ESR1: variants seen among roughly 807,000 people sequenced by gnomAD.
The protein encoded by ESR1 is estrogen receptor 1.
In ESR1, 12 loss-of-function variants were observed where a neutral mutation model predicts 52.7. That is an observed-to-expected ratio of 0.23 (90% CI 0.15 to 0.37). ESR1 has a LOEUF of 0.37. ESR1 is among the 10% of genes least tolerant of loss of function. The pLI is 1.00. For missense variants in ESR1, 584 were observed against 779.7 expected (o/e 0.75, Z 2.99); for synonymous variants, 305 against 316.8 (o/e 0.96, Z 0.39).
chr6:151,798,912 T>A (rs1167025591), intron 2 of ESR1, among the ~76,000 whole-genome samples: 1 of 152,258 alleles, frequency 6.6e-6, no homozygotes, highest in Non-Finnish European at 1.5e-5. Context: ...CATTTCTTCA[T>A]GTTCAAAAAA....
In ESR1 at chr6:151,911,965, G is replaced by A. The variant is rs952122125; in HGVS notation, c.760+31194G>A. Among the ~76,000 whole-genome samples, 4 of 152,194 alleles carry A rather than the reference G, an allele frequency of 2.6e-5. No homozygotes were observed. The East Asian group carries it at 5.8e-4, about 22-fold the overall frequency. ...CGGTAGGTAGCCACTAGCCACATGT[G>A]GCCATTTAGATGTAAATGAATTTAA... On this transcript the variant is annotated intron_variant, in intron 3 of 7. Coordinates refer to ENST00000206249, the MANE Select transcript of ESR1 (RefSeq NM_000125.4).
intron 1 of ESR1, among the ~76,000 whole-genome samples, chr6:151,678,722 C>T (rs1023778103): frequency 2.0e-5 from 3 of 151,146 alleles, no homozygotes; most frequent in Non-Finnish European, 4.4e-5. Context: ...AGTCTTACTC[C>T]GTTGCCTGGG....
intron 5 of ESR1, among the ~76,000 whole-genome samples, chr6:152,041,611 A>G (rs1437277853): frequency 6.6e-6 from 1 of 152,238 alleles, no homozygotes; most frequent in African/African-American, 2.4e-5. Context: ...TGTCTCACCA[A>G]TAAATCCAGT....
At chr6:151,930,943 T>G (rs2033507187) in intron 3 of ESR1, among the ~76,000 whole-genome samples, 1 of 152,180 alleles carries the variant, frequency 6.6e-6, no homozygotes, top group Admixed American at 6.5e-5. Flanking sequence ...TGGCTCTGGC[T>G]TTTTCAAGAT....
intron 2 of ESR1, among the ~76,000 whole-genome samples, chr6:151,766,547 AATCT>A (rs1316961357): frequency 6.6e-6 from 1 of 152,102 alleles, no homozygotes; most frequent in Non-Finnish European, 1.5e-5. Flanking sequence ...TTTTTCACTC[AATCT>A]GTTTTCCAAA....
At chr6:152,069,661 G>T (rs1404580233) in intron 6 of ESR1, among the ~76,000 whole-genome samples, 1 of 136,350 alleles carries the variant, frequency 7.3e-6, no homozygotes, top group African/African-American at 3.3e-5. Context: ...TTCTCATGAG[G>T]GGCACACAGC....
intron 2 of ESR1, among the ~76,000 whole-genome samples, chr6:151,798,995 C>T (rs1020094377): frequency 5.3e-5 from 8 of 152,152 alleles, no homozygotes; most frequent in Admixed American, 5.2e-4. Flanking sequence ...ATTTCTTTAT[C>T]AGTGATTTGG....
At chr6:151,844,043 A>C (rs1457992805) in intron 2 of ESR1, among the ~76,000 whole-genome samples, 1 of 151,502 alleles carries the variant, frequency 6.6e-6, no homozygotes, top group Non-Finnish European at 1.5e-5. Flanking sequence ...AGACACATGG[A>C]CTTTTTTGTT....
chr6:152,007,559 C>T lies in ESR1; in HGVS notation c.1097-4097C>T, dbSNP rs116929796. Among the ~76,000 whole-genome samples, 1,096 of 152,180 alleles carry T rather than the reference C, an allele frequency of 7.2e-3. 6 individuals are homozygous for T. The highest frequency in any genetic ancestry group is 0.011 in the Non-Finnish European group (749 of 67,992). ...ATCTCTGGATTCACTATTACTGGGA[C>T]TTGTGAATATAGACTAGGGATTAAA... On this transcript the variant is annotated intron_variant, in intron 4 of 7. Transcript: ENST00000206249.
chr6:151,683,631 T>C (rs1364852887), intron 1 of ESR1, among the ~76,000 whole-genome samples: 1 of 152,130 alleles, frequency 6.6e-6, no homozygotes, highest in East Asian at 1.9e-4. Context: ...TGGCCACTTA[T>C]CTAAGAGTGT....
chr6:151,911,450 T>A (rs1798241133), intron 3 of ESR1, among the ~76,000 whole-genome samples: 1 of 152,224 alleles, frequency 6.6e-6, no homozygotes, highest in Non-Finnish European at 1.5e-5. Flanking sequence ...ATAATTCTGT[T>A]TTATTCTCAA....
chr6:151,773,291 A>G (rs1785667438), intron 2 of ESR1, among the ~76,000 whole-genome samples: 1 of 152,160 alleles, frequency 6.6e-6, no homozygotes, highest in African/African-American at 2.4e-5. Flanking sequence ...CATGCAACAG[A>G]TTTTCTATCA....
intron 3 of ESR1, among the ~76,000 whole-genome samples, chr6:151,881,847 C>A (rs567926753): frequency 6.6e-6 from 1 of 151,694 alleles, no homozygotes; most frequent in East Asian, 1.9e-4. Flanking sequence ...GGCGCCACTG[C>A]ACTCCAGCCT....
At position 152,011,677 on chromosome 6, in the gene ESR1, A is replaced by G. The variant is rs1264830417; in HGVS notation, c.1118A>G (p.His373Arg). The change falls in exon 5 of 8, where the codon CAT (histidine) becomes CGT (arginine). Residue 373 changes from histidine (H) to arginine (R), a missense_variant. By Grantham distance (29) the His-to-Arg change is conservative. Around this residue, in one of 6 missense-constraint regions of ESR1, gnomAD observed 141 missense variants for 289.3 expected, o/e 0.49. Coordinates refer to ENST00000206249, the MANE Select transcript of ESR1 (RefSeq NM_000125.4). ...TCAGGCTTTGTGGATTTGACCCTCC[A>G]TGATCAGGTCCACCTTCTAGAATGT... ...RVPGFVDLTL[H>R]DQVHLLECAW... 6.2e-7 allele frequency: 1 copy of G among 1,613,198 alleles called. No individual in the cohort carries two copies. Among genetic ancestry groups the G allele is most frequent in the Admixed American group, 1.7e-5 (1 of 59,922 alleles).
intron 5 of ESR1, among the ~76,000 whole-genome samples, chr6:152,013,779 A>T (rs1374042495): frequency 3.3e-5 from 5 of 152,130 alleles, no homozygotes; most frequent in Admixed American, 2.0e-4. Flanking sequence ...ATCTCTATTC[A>T]TTCCTACTTT....
rs565282887 is a variant in ESR1, at chr6:151,838,781, A to G, written c.453-3816A>G. On this transcript the variant is annotated intron_variant, in intron 1 of 7. Transcript: ENST00000206249. ...CCTTTATGGTTAGTGAATATAGCCC[A>G]TGTAGTTTCCCCGTCTTCTTTAGAT... Among the ~76,000 whole-genome samples, 8 of 152,282 alleles carry G rather than the reference A, an allele frequency of 5.3e-5. No homozygotes were observed. In the South Asian group the frequency reaches 1.7e-3, roughly 32 times the overall value.
chr6:151,946,549 G>A (rs2035724715), intron 4 of ESR1, among the ~76,000 whole-genome samples: 1 of 152,098 alleles, frequency 6.6e-6, no homozygotes, highest in Non-Finnish European at 1.5e-5. Flanking sequence ...CAAAATTATG[G>A]CAATGAGATG....
At chr6:151,683,738 G>A (rs150732579) in intron 1 of ESR1, among the ~76,000 whole-genome samples, 42 of 150,640 alleles carry the variant, frequency 2.8e-4, no homozygotes, top group African/African-American at 7.1e-4. Context: ...TCACTCTGTC[G>A]CCCAGGCTAG....
intron 5 of ESR1, among the ~76,000 whole-genome samples, chr6:152,013,308 T>C (rs1296823493): frequency 2.1e-4 from 32 of 152,148 alleles, no homozygotes; most frequent in Non-Finnish European, 1.3e-4. Context: ...CCAAGTGATA[T>C]CAAGTTTGCA....
Sources: gnomAD v4.1 joint callset for allele counts (sites outside exome capture counted in the v4.1 genomes callset) on GRCh38, gnomAD v4.1.1 for gene constraint, gnomAD v4.1.1 regional missense constraint, MANE v1.5 for transcripts, NCBI Gene and HGNC (gene_info 2026-07-23, HGNC 2026-07-21) for gene names.